RNF24: variants seen among roughly 807,000 people sequenced by gnomAD.
RNF24 encodes the protein ring finger protein 24.
Under a neutral mutation model 20.0 loss-of-function variants are expected in RNF24, and 14 were observed. The observed-to-expected ratio is 0.70, with a 90% CI of 0.46 to 1.10. RNF24 has a LOEUF of 1.10. Among genes scored for constraint, RNF24 ranks in the 50% least tolerant of loss-of-function variants. The pLI, the probability that RNF24 is intolerant of heterozygous loss-of-function variation, is 0.00. For missense variants in RNF24, 124 were observed against 177.6 expected, an observed-to-expected ratio of 0.70 and a Z score of 1.71; for synonymous variants, 45 against 61.1, an observed-to-expected ratio of 0.74 and a Z score of 1.23.
At chr20:3,946,376 C>T (rs566206602) in intron 3 of RNF24, among the ~76,000 whole-genome samples, 2 of 152,208 alleles carry the variant, frequency 1.3e-5, no homozygotes, top group South Asian at 4.2e-4. Context: ...CTCACCTGAG[C>T]CCAGGAGGCA....
chr20:3,986,649 AT>A (rs36005352), intron 1 of RNF24, among the ~76,000 whole-genome samples: 4,220 of 138,780 alleles, frequency 0.03, 64 homozygotes, highest in Non-Finnish European at 0.046. Flanking sequence ...ATGCAGTATA[AT>A]TTTTTTTTTT....
chr20:3,983,964 A>C (rs1328271994), intron 1 of RNF24, among the ~76,000 whole-genome samples: 1 of 130,330 alleles, frequency 7.7e-6, no homozygotes, highest in East Asian at 2.2e-4. Flanking sequence ...AAAAAAAAAA[A>C]ACAAGTGAAA....
chr20:4,010,170 C>G (rs796237697), intron 1 of RNF24, among the ~76,000 whole-genome samples: 2 of 151,954 alleles, frequency 1.3e-5, no homozygotes, highest in African/African-American at 4.8e-5. Flanking sequence ...GTCAGGATTT[C>G]GAGACCAGCC....
chr20:3,952,947 C>T (rs976918272), intron 2 of RNF24, among the ~76,000 whole-genome samples: 3 of 152,084 alleles, frequency 2.0e-5, no homozygotes, highest in Non-Finnish European at 2.9e-5. Flanking sequence ...TGAAAAGGAT[C>T]GGTCTATAAT....
intron 1 of RNF24, among the ~76,000 whole-genome samples, chr20:4,008,445 T>C (rs1391900498): frequency 6.3e-5 from 1 of 15,940 alleles, no homozygotes; most frequent in Non-Finnish European, 1.9e-4. Flanking sequence ...ATATGTATAA[T>C]ATATATAATA....
At chr20:3,954,840 AGT>A in intron 2 of RNF24, among the ~76,000 whole-genome samples, 1 of 151,752 alleles carries the variant, frequency 6.6e-6, no homozygotes, top group South Asian at 2.1e-4. Flanking sequence ...CAGAGATTGC[AGT>A]GAGCCGAGAT....
At chr20:3,978,396 GAAGAA>G (rs200479181) in intron 1 of RNF24, among the ~76,000 whole-genome samples, 2 of 127,214 alleles carry the variant, frequency 1.6e-5, no homozygotes, top group African/African-American at 2.9e-5. Context: ...AGCTAGAAGA[GAAGAA>G]TTTGCAATAT....
At position 3,949,023 on chromosome 20, in the gene RNF24, T is replaced by TAGTGGACA. The variant is rs547127076; in HGVS notation, c.144-752_144-745dup. Reference sequence around the variant, plus strand: ...TGATACACAAATTCTACATGTCTTTTAGTGGACATATATACTCATTTCTGT... The same window carrying TAGTGGACA: ...TGATACACAAATTCTACATGTCTTTTAGTGGACAAGTGGACATATATACTCATTTCTGT... On this transcript the variant is annotated intron_variant, in intron 2 of 5. Transcript: ENST00000358395. Among the ~76,000 whole-genome samples, 799 of 152,364 alleles carry TAGTGGACA rather than the reference T, an allele frequency of 5.2e-3. 7 individuals are homozygous for TAGTGGACA. Among genetic ancestry groups the TAGTGGACA allele is most frequent in the Non-Finnish European group, 8.3e-3 (564 of 68,018 alleles).
intron 1 of RNF24, among the ~76,000 whole-genome samples, chr20:4,009,352 T>C (rs1231950341): frequency 2.6e-5 from 4 of 152,194 alleles, no homozygotes; most frequent in African/African-American, 9.7e-5. Context: ...CATATGTGTA[T>C]GCTGACATGG....
chr20:4,005,371 G>A (rs1600720643), intron 1 of RNF24, among the ~76,000 whole-genome samples: 1 of 152,026 alleles, frequency 6.6e-6, no homozygotes, highest in Admixed American at 6.6e-5. Context: ...TTACTACGCC[G>A]AAAATTCCAT....
chr20:3,930,365 TATCA>T lies in RNF24; in HGVS notation c.*3694_*3697del, dbSNP rs1555792714. The T allele has an allele frequency of 6.6e-6, 1 of 152,236 alleles. No homozygotes were observed. The highest frequency in any genetic ancestry group is 2.4e-5 in the African/African-American group (1 of 41,446). 9.4% of individuals were successfully genotyped at this position (152,236 alleles called of 1,614,324 possible). The stretch of plus-strand genomic sequence containing the variant: ...AGCTTTTTGGCTGAGGTTCTGTTCC[TATCA>T]ATCATGATGGCAGAGGAGCCCATGT... On this transcript the variant is annotated 3_prime_UTR_variant, in exon 6 of 6. Coordinates refer to ENST00000358395, the MANE Select transcript of RNF24 (RefSeq NM_001134337.3).
chr20:3,945,126 ACC>A, intron 4 of RNF24, 49 bp downstream of exon 4: 1 of 1,587,306 alleles, frequency 6.3e-7, no homozygotes. Flanking sequence ...ACCACAGCAT[ACC>A]ACTGCTACTA....
chr20:3,933,287 G>A lies in RNF24; in HGVS notation c.*776C>T, dbSNP rs2090847789. 1 of 397,774 alleles carries A rather than the reference G, an allele frequency of 2.5e-6. No individual in the cohort carries two copies. The highest frequency in any genetic ancestry group is 2.1e-5 in the African/African-American group (1 of 48,708). The allele number at this position is 397,774 out of a possible 1,614,324, so 24.6% of individuals were successfully genotyped here. Reference sequence around the variant, plus strand: ...CAGTGGGCTCACAGCAGCTACACTGGAACCACAGTGCACATGTGGGGATGT... The same window carrying A: ...CAGTGGGCTCACAGCAGCTACACTGAAACCACAGTGCACATGTGGGGATGT... On this transcript the variant is annotated 3_prime_UTR_variant, in exon 6 of 6. Coordinates refer to ENST00000358395, the MANE Select transcript of RNF24 (RefSeq NM_001134337.3).
chr20:3,929,398 A>G lies in RNF24; in HGVS notation c.*4665T>C, dbSNP rs933770702. On this transcript the variant is annotated 3_prime_UTR_variant, in exon 6 of 6. Coordinates refer to ENST00000358395, the MANE Select transcript of RNF24 (RefSeq NM_001134337.3). ...TGGGTAACAAGACCCTGTCTCAACAACAACGAAAAGTTGGGAGGGAAAGGG... is the reference window on the plus strand; with the variant it reads ...TGGGTAACAAGACCCTGTCTCAACAGCAACGAAAAGTTGGGAGGGAAAGGG... The G allele has an allele frequency of 1.3e-5, 2 of 152,336 alleles. No homozygotes were observed. Among genetic ancestry groups the G allele is most frequent in the African/African-American group, 4.8e-5 (2 of 41,460 alleles). The allele number at this position is 152,336 out of a possible 1,614,324, so 9.4% of individuals were successfully genotyped here. A position where few individuals can be genotyped will look rare whatever the true frequency, so the allele number is the denominator to read the frequency against.
At chr20:3,993,063 G>A (rs1184193827) in intron 1 of RNF24, among the ~76,000 whole-genome samples, 1 of 152,080 alleles carries the variant, frequency 6.6e-6, no homozygotes, top group Non-Finnish European at 1.5e-5. Flanking sequence ...TGAAACTGGA[G>A]AACCTTTTTT....
chr20:3,956,673 C>A (rs1472044710), intron 2 of RNF24, among the ~76,000 whole-genome samples: 1 of 151,978 alleles, frequency 6.6e-6, no homozygotes, highest in African/African-American at 2.4e-5. Flanking sequence ...TTTATTTTAG[C>A]TCCATGAAAA....
At chr20:3,999,629 C>T (rs6084542) in intron 1 of RNF24, among the ~76,000 whole-genome samples, 39,663 of 151,992 alleles carry the variant, frequency 0.26, 5,267 homozygotes, top group South Asian at 0.36. Context: ...TGGCGCATGC[C>T]TGTAATCCCA....
At position 3,928,542 on chromosome 20, in the gene RNF24, G is replaced by A. The variant is rs777362761; in HGVS notation, c.*5521C>T. ...GGAGGTCAAGGCAGGTGCATCACGA[G>A]GTCAGGAGATCGAGACCATCCTGGC... is the stretch of plus-strand genomic sequence containing the variant. On this transcript the variant is annotated 3_prime_UTR_variant, in exon 6 of 6. Coordinates refer to ENST00000358395, the MANE Select transcript of RNF24 (RefSeq NM_001134337.3). 1 of 152,152 alleles carries A rather than the reference G, an allele frequency of 6.6e-6. No homozygotes were observed. The highest frequency in any genetic ancestry group is 1.5e-5 in the Non-Finnish European group (1 of 68,124). 9.4% of individuals were successfully genotyped at this position (152,152 alleles called of 1,614,324 possible).
rs935079978 is a variant in RNF24, at chr20:3,990,883, T to TA, written c.-8+24553dup. 8.4e-3 allele frequency among the ~76,000 whole-genome samples: 1,215 copies of TA among 145,490 alleles called. 17 individuals carry two copies. Among genetic ancestry groups the TA allele is most frequent in the African/African-American group, 0.028 (1,100 of 39,664 alleles). On this transcript the variant is annotated intron_variant, in intron 1 of 5. Transcript: ENST00000358395. Reference sequence around the variant, plus strand: ...AGAGCAAGATCCTGTCTCTAAAAATTAAAAAAAAAAATGTAGATTTGGCAC... The same window carrying TA: ...AGAGCAAGATCCTGTCTCTAAAAATTAAAAAAAAAAAATGTAGATTTGGCAC...
Sources: gnomAD v4.1 joint callset for allele counts (sites outside exome capture counted in the v4.1 genomes callset) on GRCh38, gnomAD v4.1.1 for gene constraint, MANE v1.5 for transcripts, NCBI Gene and HGNC (gene_info 2026-07-23, HGNC 2026-07-21) for gene names.